Variants in CCDC178 observed in about 807,000 individuals in gnomAD.
CCDC178 encodes the protein coiled-coil domain-containing protein 178.
In CCDC178, 126 loss-of-function variants were observed where a neutral mutation model predicts 117.4. That is an observed-to-expected ratio of 1.07 (90% CI 0.93 to 1.24). The LOEUF (loss-of-function observed/expected upper bound fraction) is 1.24, where lower values mean the gene tolerates loss of function less well. Among genes scored for constraint, CCDC178 ranks in the 50% most tolerant of loss-of-function variants. The probability of loss-of-function intolerance (pLI) is 0.00; values close to 1 mark genes in which losing one functional copy is unlikely to be tolerated. For synonymous variants in CCDC178, 283 were observed against 313.4 expected (o/e 0.90, Z 1.02); for missense variants, 1,030 against 986.9 (o/e 1.04, Z -0.59).
At chr18:33,061,035 A>G (rs2056912709) in intron 21 of CCDC178, among the ~76,000 whole-genome samples, 1 of 152,110 alleles carries the variant, frequency 6.6e-6, no homozygotes, top group African/African-American at 2.4e-5. Flanking sequence ...AATCTAGAAA[A>G]TTTGCACAAT....
At chr18:32,944,434 T>C (rs1472845338) in intron 22 of CCDC178, among the ~76,000 whole-genome samples, 4 of 152,100 alleles carry the variant, frequency 2.6e-5, no homozygotes, top group African/African-American at 9.7e-5. Flanking sequence ...CTGCTGTAAG[T>C]GATGGGGAGG....
chr18:33,062,063 G>A (rs1490341399), intron 21 of CCDC178, among the ~76,000 whole-genome samples: 1 of 152,096 alleles, frequency 6.6e-6, no homozygotes, highest in Non-Finnish European at 1.5e-5. Flanking sequence ...TGTAAGTCTT[G>A]AAGCATGTCA....
chr18:33,092,718 A>C, intron 21 of CCDC178, 43 bp downstream of exon 21: 2 of 1,413,892 alleles, frequency 1.4e-6, no homozygotes, highest in East Asian at 4.7e-5. Context: ...TAGTGCATAT[A>C]TGACATAAAT....
chr18:33,363,312 C>G (rs550657557), intron 6 of CCDC178, among the ~76,000 whole-genome samples: 1 of 151,992 alleles, frequency 6.6e-6, no homozygotes, highest in African/African-American at 2.4e-5. Flanking sequence ...AACCAAGAGA[C>G]AGTTGAAAAT....
At chr18:33,133,260 A>G (rs1012318852) in intron 20 of CCDC178, among the ~76,000 whole-genome samples, 11 of 151,840 alleles carry the variant, frequency 7.2e-5, no homozygotes, top group Admixed American at 4.6e-4. Context: ...ATGACTTTGT[A>G]TGTTATTATA....
At chr18:33,138,615 T>C (rs910804481) in intron 20 of CCDC178, among the ~76,000 whole-genome samples, 3 of 152,252 alleles carry the variant, frequency 2.0e-5, no homozygotes, top group African/African-American at 4.8e-5. Context: ...ATAATCTTTA[T>C]TTCTTGCAAA....
intron 11 of CCDC178, chr18:33,323,037 T>A (rs1000095599): frequency 6.6e-6 from 1 of 151,446 alleles, no homozygotes. Flanking sequence ...ATAAATAATA[T>A]GCCAAAATAA....
intron 2 of CCDC178, among the ~76,000 whole-genome samples, chr18:33,421,017 G>A (rs1169848511): frequency 6.6e-6 from 1 of 152,222 alleles, no homozygotes; most frequent in South Asian, 2.1e-4. Context: ...TAGAGGAGAT[G>A]GTGTGGAAGT....
chr18:33,431,550 T>C (rs2064220434), intron 2 of CCDC178, among the ~76,000 whole-genome samples: 1 of 152,174 alleles, frequency 6.6e-6, no homozygotes. Context: ...CTGGTAGATA[T>C]GAAAATAAAT....
chr18:33,327,845 GTTGT>G (rs1442955603), intron 10 of CCDC178, among the ~76,000 whole-genome samples: 3 of 151,866 alleles, frequency 2.0e-5, no homozygotes, highest in East Asian at 1.9e-4. Flanking sequence ...TTTAAATTTA[GTTGT>G]TTGTCTTTCA....
At chr18:33,367,621 C>A in intron 6 of CCDC178, among the ~76,000 whole-genome samples, 1 of 151,694 alleles carries the variant, frequency 6.6e-6, no homozygotes, top group East Asian at 2.0e-4. Context: ...ATTTTTTCAT[C>A]TTTCAAAAGG....
chr18:33,187,114 A>AGAGAGAGAGAGAGAGAGAGAGAGAGAGC (rs60923129), intron 20 of CCDC178, among the ~76,000 whole-genome samples: 1 of 150,198 alleles, frequency 6.7e-6, no homozygotes, highest in African/African-American at 2.5e-5. Context: ...AGAGAGAGAG[A>AGAGAGAGAGAGAGAGAGAGAGAGAGAGC]GACTGAGAGA....
At chr18:33,275,064 C>T (rs764414059) in intron 12 of CCDC178, among the ~76,000 whole-genome samples, 5 of 151,768 alleles carry the variant, frequency 3.3e-5, no homozygotes, top group Admixed American at 6.6e-5. Context: ...ATGCCATTAA[C>T]GGAAATCTTT....
chr18:33,261,220 G>A lies in CCDC178; in HGVS notation c.1409+5696C>T, dbSNP rs529358246. Among the ~76,000 whole-genome samples the A allele has an allele frequency of 2.2e-3, 342 of 152,084 alleles. 2 individuals carry two copies. The highest frequency in any genetic ancestry group is 6.8e-3 in the Middle Eastern group (2 of 294). On this transcript the variant is annotated intron_variant, in intron 14 of 22. Transcript: ENST00000383096. ...TGCCTCAGCCTCCTAAGTAGCTGGG[G>A]CTACAGGCGCCCGCCACCACGCCCG...
intron 21 of CCDC178, among the ~76,000 whole-genome samples, chr18:32,989,682 C>T (rs551351065): frequency 6.6e-6 from 1 of 152,066 alleles, no homozygotes; most frequent in Non-Finnish European, 1.5e-5. Context: ...ATTTTCCAAA[C>T]CATTTAATAA....
At chr18:33,191,501 G>A (rs1357889880) in intron 20 of CCDC178, among the ~76,000 whole-genome samples, 1 of 152,046 alleles carries the variant, frequency 6.6e-6, no homozygotes, top group Non-Finnish European at 1.5e-5. Context: ...GTTCAGAGCA[G>A]GCTATGTAAG....
At chr18:33,203,653 A>C (rs1465626478) in intron 20 of CCDC178, among the ~76,000 whole-genome samples, 1 of 152,212 alleles carries the variant, frequency 6.6e-6, no homozygotes, top group Non-Finnish European at 1.5e-5. Context: ...CTTTTCAAAC[A>C]TAAGTCAGGA....
chr18:32,966,877 G>T (rs999908823), intron 22 of CCDC178, among the ~76,000 whole-genome samples: 1 of 151,698 alleles, frequency 6.6e-6, no homozygotes, highest in African/African-American at 2.4e-5. Context: ...TCTCCAAAAA[G>T]ATTGAGCTAA....
Position 33,046,956 on chromosome 18 carries a change from C to T in CCDC178, c.2388+45805G>A, listed in dbSNP as rs115626937. Among the ~76,000 whole-genome samples, 1,201 of 152,204 alleles carry T rather than the reference C, an allele frequency of 7.9e-3. 10 individuals are homozygous for T. Among genetic ancestry groups the T allele is most frequent in the African/African-American group, 0.017 (719 of 41,546 alleles). ...CTGACTCTAACAAAATAAATGATTC[C>T]TCACTTTAACTCAGCTTTGACATTT... On this transcript the variant is annotated intron_variant, in intron 21 of 22. Coordinates refer to ENST00000383096, the MANE Select transcript of CCDC178 (RefSeq NM_001105528.4).
Sources: allele counts gnomAD v4.1 joint callset (sites outside exome capture counted in the v4.1 genomes callset), GRCh38; gene constraint gnomAD v4.1.1; transcripts MANE v1.5; gene names NCBI Gene and HGNC (gene_info 2026-07-23, HGNC 2026-07-21).